MTHFD1: variants seen among roughly 807,000 people sequenced by gnomAD.
MTHFD1 encodes the protein methylenetetrahydrofolate dehydrogenase, cyclohydrolase and formyltetrahydrofolate synthetase 1, also known as C-1-tetrahydrofolate synthase, cytoplasmic.
In MTHFD1, 44 loss-of-function variants were observed where a neutral mutation model predicts 110.3. The ratio of observed to expected loss-of-function variants is 0.40; its 90% CI spans 0.31 to 0.51. The LOEUF (loss-of-function observed/expected upper bound fraction) is 0.51, where lower values mean the gene tolerates loss of function less well. Ranked by LOEUF, MTHFD1 falls within the 20% of genes least tolerant of loss-of-function variation. The pLI is 0.60. For missense variants in MTHFD1, 909 were observed against 1,173.1 expected (o/e 0.77, Z 3.29); for synonymous variants, 402 against 428.8 (o/e 0.94, Z 0.77).
chr14:64,413,298 G>A (rs2077999374), intron 4 of MTHFD1, among the ~76,000 whole-genome samples: 1 of 152,118 alleles, frequency 6.6e-6, no homozygotes, highest in African/African-American at 2.4e-5. Context: ...GTTGCAGTGA[G>A]CCAAGATCGT....
chr14:64,388,473 G>A lies in MTHFD1; in HGVS notation c.41+5G>A. The A allele has an allele frequency of 6.2e-7, 1 of 1,613,328 alleles. No homozygotes were observed. Among genetic ancestry groups the A allele is most frequent in the Non-Finnish European group, 8.5e-7 (1 of 1,179,728 alleles). On this transcript the variant is annotated splice_donor_5th_base_variant and intron_variant, in intron 1 of 27. Transcript: ENST00000652337. ...GAACGGGAAGGAGATCTCCGCGTAA[G>A]CACCTGACATTGTTGTTGAGTGTGG... is the stretch of plus-strand genomic sequence containing the variant.
chr14:64,420,943 G>A (rs560038990), intron 8 of MTHFD1, among the ~76,000 whole-genome samples: 2 of 152,252 alleles, frequency 1.3e-5, no homozygotes, highest in African/African-American at 2.4e-5. Flanking sequence ...GAACAATAGG[G>A]CAAAACTTGC....
At chr14:64,437,208 G>GA (rs546315667) in intron 16 of MTHFD1, among the ~76,000 whole-genome samples, 89 of 149,004 alleles carry the variant, frequency 6.0e-4, no homozygotes, top group African/African-American at 1.8e-3. Flanking sequence ...AAAACATCTT[G>GA]AAAAAAAAAC....
intron 4 of MTHFD1, among the ~76,000 whole-genome samples, chr14:64,414,395 G>A (rs2078009059): frequency 1.4e-5 from 2 of 146,566 alleles, no homozygotes; most frequent in South Asian, 2.2e-4. Context: ...GGGTTCAAGC[G>A]ATTCTCATGC....
intron 24 of MTHFD1, among the ~76,000 whole-genome samples, chr14:64,450,982 A>G (rs772927383): frequency 6.6e-6 from 1 of 152,124 alleles, no homozygotes; most frequent in Non-Finnish European, 1.5e-5. Context: ...AGCCTGGCCA[A>G]CATGGTGAAA....
chr14:64,438,531 G>T (rs2078223816), intron 16 of MTHFD1, among the ~76,000 whole-genome samples: 1 of 152,208 alleles, frequency 6.6e-6, no homozygotes, highest in South Asian at 2.1e-4. Flanking sequence ...TAGTTGGTTA[G>T]TTGCTTGGTC....
At chr14:64,414,859 T>C (rs548060947) in intron 4 of MTHFD1, among the ~76,000 whole-genome samples, 2 of 152,080 alleles carry the variant, frequency 1.3e-5, no homozygotes, top group African/African-American at 4.8e-5. Flanking sequence ...CTGGCTAATT[T>C]TGTATTTTTA....
intron 12 of MTHFD1, among the ~76,000 whole-genome samples, chr14:64,428,847 C>T (rs1037083070): frequency 6.6e-6 from 1 of 151,614 alleles, no homozygotes; most frequent in Admixed American, 6.6e-5. Flanking sequence ...CCACCGTGCC[C>T]AGCCCACCCT....
chr14:64,455,176 C>A (rs1179527633), intron 26 of MTHFD1: 3 of 403,970 alleles, frequency 7.4e-6, no homozygotes, highest in Non-Finnish European at 1.4e-5. Flanking sequence ...AGTTGATAGG[C>A]TGGGGTAGTG....
In MTHFD1 at chr14:64,437,570, C is replaced by G. The variant is rs77631705; in HGVS notation, c.1598-1526C>G. The stretch of plus-strand genomic sequence containing the variant: ...CAATTCTGACACTAACTGTCTGGAG[C>G]AGATCCTACAGGTAAAGGGCTCAGT... On this transcript the variant is annotated intron_variant, in intron 16 of 27. Transcript: ENST00000652337. Among the ~76,000 whole-genome samples, 1,319 of 152,296 alleles carry G rather than the reference C, an allele frequency of 8.7e-3. 19 individuals are homozygous for G. The highest frequency in any genetic ancestry group is 0.03 in the African/African-American group (1,253 of 41,566).
chr14:64,424,569 A>G (rs879868748), intron 8 of MTHFD1, among the ~76,000 whole-genome samples: 14 of 152,224 alleles, frequency 9.2e-5, no homozygotes, highest in Non-Finnish European at 1.6e-4. Context: ...GAGAGACTAC[A>G]AAAGGATTCT....
intron 23 of MTHFD1, among the ~76,000 whole-genome samples, chr14:64,448,736 G>T (rs1288111929): frequency 1.3e-5 from 2 of 152,088 alleles, no homozygotes; most frequent in Non-Finnish European, 2.9e-5. Flanking sequence ...GGTTGTTTAG[G>T]TATTGCATTG....
chr14:64,450,260 C>A (rs2078349317), intron 24 of MTHFD1, among the ~76,000 whole-genome samples: 1 of 152,178 alleles, frequency 6.6e-6, no homozygotes, highest in African/African-American at 2.4e-5. Context: ...TTCACTGTAG[C>A]CTTTAAAACA....
At chr14:64,421,822 T>C (rs1248468324) in intron 8 of MTHFD1, among the ~76,000 whole-genome samples, 2 of 152,074 alleles carry the variant, frequency 1.3e-5, no homozygotes, top group African/African-American at 4.8e-5. Context: ...AGACGGGGTT[T>C]CACCATGTTA....
intron 1 of MTHFD1, 31 bp downstream of exon 1, chr14:64,388,499 G>A (rs1566549753): frequency 6.2e-7 from 1 of 1,603,752 alleles, no homozygotes; most frequent in Non-Finnish European, 8.5e-7. Context: ...TTGAGTGTGG[G>A]GCTGTGGACG....
chr14:64,428,112 T>G (rs1015060326), intron 12 of MTHFD1, among the ~76,000 whole-genome samples: 1 of 143,266 alleles, frequency 7.0e-6, no homozygotes, highest in East Asian at 2.0e-4. Context: ...GTTTTTTTTT[T>G]TTTTTTTTTT....
chr14:64,408,677 A>C (rs1008128236), intron 2 of MTHFD1, among the ~76,000 whole-genome samples: 2 of 152,212 alleles, frequency 1.3e-5, no homozygotes, highest in African/African-American at 4.8e-5. Context: ...TATACTGGCC[A>C]AGTGTGGTGG....
At chr14:64,456,037 C>G (rs937053449) in intron 26 of MTHFD1, among the ~76,000 whole-genome samples, 4 of 152,212 alleles carry the variant, frequency 2.6e-5, no homozygotes, top group African/African-American at 7.2e-5. Flanking sequence ...ATGTGTTGTT[C>G]TTTTTGGAGA....
intron 2 of MTHFD1, among the ~76,000 whole-genome samples, chr14:64,404,211 G>C (rs1383887272): frequency 6.6e-6 from 1 of 152,176 alleles, no homozygotes; most frequent in African/African-American, 2.4e-5. Context: ...TCTAAATCTA[G>C]ATTTCTTCTG....
Sources: allele counts gnomAD v4.1 joint callset (sites outside exome capture counted in the v4.1 genomes callset), GRCh38; gene constraint gnomAD v4.1.1; transcripts MANE v1.5; gene names NCBI Gene and HGNC (gene_info 2026-07-23, HGNC 2026-07-21).